HMCN1: variants seen among roughly 807,000 people sequenced by gnomAD.
HMCN1 encodes hemicentin-1.
HMCN1 carries 321 observed loss-of-function variants against 625.9 expected under a neutral mutation model. That is an observed-to-expected ratio of 0.51 (90% CI 0.47 to 0.56). The LOEUF (loss-of-function observed/expected upper bound fraction) is 0.56, where lower values mean the gene tolerates loss of function less well. Among genes scored for constraint, HMCN1 ranks in the 20% least tolerant of loss-of-function variants. The probability of loss-of-function intolerance (pLI) is 0.00; values close to 1 mark genes in which losing one functional copy is unlikely to be tolerated. For missense variants in HMCN1, 6,588 were observed against 6,887.3 expected (o/e 0.96, Z 1.54); for synonymous variants, 2,425 against 2,417.6 (o/e 1.00, Z -0.09).
intron 32 of HMCN1, 106 bp from the exon 33 acceptor site, chr1:186,016,857 A>G (rs977613731): frequency 1.1e-5 from 8 of 754,272 alleles, no homozygotes; most frequent in African/African-American, 1.0e-4. Context: ...TCAAACCACT[A>G]TGATACCTAT....
intron 1 of HMCN1, among the ~76,000 whole-genome samples, chr1:185,775,784 T>G (rs1271289760): frequency 1.3e-5 from 2 of 152,218 alleles, no homozygotes; most frequent in Non-Finnish European, 2.9e-5. Flanking sequence ...GGTTAGTGTT[T>G]CTGTGAGTCC....
intron 4 of HMCN1, among the ~76,000 whole-genome samples, chr1:185,888,006 G>A (rs941950130): frequency 7.8e-5 from 11 of 140,190 alleles, no homozygotes; most frequent in Admixed American, 3.5e-4. Context: ...CATTCTAACT[G>A]GTGTGAGATG....
chr1:186,125,122 A>G (rs1661581439), intron 81 of HMCN1, among the ~76,000 whole-genome samples: 1 of 152,114 alleles, frequency 6.6e-6, no homozygotes, highest in Non-Finnish European at 1.5e-5. Flanking sequence ...AAATACTGCA[A>G]TAAGTATTTT....
Position 186,048,888 on chromosome 1 carries a change from G to A in HMCN1, c.6577+49G>A, listed in dbSNP as rs1303909513. ...GCAAATAATGCAGCTGTGGTTTTTT[G>A]TGTCACTTAAAATGACATTCATCCA... On this transcript the variant is annotated intron_variant, in intron 42 of 106. Transcript: ENST00000271588. 5 of 1,128,316 alleles carry A rather than the reference G, an allele frequency of 4.4e-6. No individual in the cohort carries two copies. In the Admixed American group the frequency reaches 8.5e-5, roughly 19 times the overall value. 69.9% of individuals were successfully genotyped at this position (1,128,316 alleles called of 1,614,324 possible).
At chr1:186,168,179 A>G (rs1165027779) in intron 100 of HMCN1, among the ~76,000 whole-genome samples, 1 of 150,998 alleles carries the variant, frequency 6.6e-6, no homozygotes, top group Non-Finnish European at 1.5e-5. Context: ...TATTATTCAT[A>G]CTAGATAGTT....
intron 1 of HMCN1, among the ~76,000 whole-genome samples, chr1:185,770,925 C>T (rs1656200119): frequency 6.6e-6 from 1 of 152,124 alleles, no homozygotes; most frequent in African/African-American, 2.4e-5. Flanking sequence ...CCAGTGCTCG[C>T]ATTAGCTTTT....
At chr1:185,760,893 G>A (rs1655456018) in intron 1 of HMCN1, among the ~76,000 whole-genome samples, 2 of 152,232 alleles carry the variant, frequency 1.3e-5, no homozygotes. Flanking sequence ...TCCCAGGAAG[G>A]TGAAGTTTTA....
intron 11 of HMCN1, among the ~76,000 whole-genome samples, chr1:185,960,029 T>A (rs1005421710): frequency 1.3e-5 from 2 of 152,188 alleles, no homozygotes; most frequent in Non-Finnish European, 2.9e-5. Context: ...GTCTAATTCA[T>A]TTTGACCATT....
chr1:186,165,111 G>T lies in HMCN1; in HGVS notation c.15257G>T (p.Gly5086Val). ...GFKIHASISKGDRSNQCPSGF... is the reference protein window; with the variant it reads ...GFKIHASISKVDRSNQCPSGF... Reference sequence around the variant, plus strand: ...AACTTTGCTTTCCTCTCTGTGGTAGGAGATCGCAGTAATCAGTGCCCCTCC... The same window carrying T: ...AACTTTGCTTTCCTCTCTGTGGTAGTAGATCGCAGTAATCAGTGCCCCTCC... Residue 5086 changes from glycine to valine, a missense_variant and splice_region_variant, in exon 98 of 107, where the codon GGA (glycine) becomes GTA (valine). Gly to Val is a moderately radical substitution (Grantham distance 109). Coordinates refer to ENST00000271588, the MANE Select transcript of HMCN1 (RefSeq NM_031935.3). 6.2e-7 allele frequency: 1 copy of T among 1,613,984 alleles called. No individual in the cohort carries two copies. Among genetic ancestry groups the T allele is most frequent in the Non-Finnish European group, 8.5e-7 (1 of 1,179,952 alleles).
intron 1 of HMCN1, among the ~76,000 whole-genome samples, chr1:185,802,405 A>AT (rs11392564): frequency 0.091 from 13,833 of 152,192 alleles, 2,022 homozygotes; most frequent in African/African-American, 0.31. Flanking sequence ...TAGAATCACC[A>AT]TGCGTAGTTT....
At chr1:185,987,232 A>T (rs1481538230) in intron 19 of HMCN1, among the ~76,000 whole-genome samples, 200 bp from the exon 20 acceptor site, 3 of 151,736 alleles carry the variant, frequency 2.0e-5, no homozygotes, top group Non-Finnish European at 4.4e-5. Flanking sequence ...TTTTTATTTC[A>T]TTTTTCAGAT....
chr1:186,143,276 T>C (rs1650086450), intron 89 of HMCN1, among the ~76,000 whole-genome samples: 1 of 152,226 alleles, frequency 6.6e-6, no homozygotes. Context: ...ATATTTACAC[T>C]CAGCCTTTGA....
intron 32 of HMCN1, among the ~76,000 whole-genome samples, 165 bp downstream of exon 32, chr1:186,016,404 T>G (rs572877860): frequency 9.9e-5 from 15 of 152,096 alleles, no homozygotes; most frequent in South Asian, 2.1e-4. Context: ...GTCACCAGAG[T>G]CTCAGGTTCT....
At chr1:186,175,753 T>TCA (rs2102647223) in intron 103 of HMCN1, among the ~76,000 whole-genome samples, 1 of 151,804 alleles carries the variant, frequency 6.6e-6, no homozygotes, top group Admixed American at 6.6e-5. Context: ...GCACTGTGCT[T>TCA]CACGCCTGTA....
chr1:185,830,279 T>C (rs1482543872), intron 1 of HMCN1, among the ~76,000 whole-genome samples: 1 of 152,196 alleles, frequency 6.6e-6, no homozygotes, highest in Non-Finnish European at 1.5e-5. Flanking sequence ...ATTTTGGCTT[T>C]AGTTGCAATT....
intron 22 of HMCN1, among the ~76,000 whole-genome samples, chr1:185,992,318 A>G (rs889127088): frequency 6.6e-6 from 1 of 152,158 alleles, no homozygotes; most frequent in Admixed American, 6.5e-5. Context: ...CACTTTTTGT[A>G]TCTTAACATG....
chr1:186,037,845 G>T, intron 36 of HMCN1, 89 bp from the exon 37 acceptor site: 1 of 804,672 alleles, frequency 1.2e-6, no homozygotes, highest in Non-Finnish European at 2.2e-6. Context: ...AAGAAGAGAG[G>T]AAGAAAAATT....
At chr1:186,158,265 T>C (rs1434320894) in intron 97 of HMCN1, among the ~76,000 whole-genome samples, 1 of 151,230 alleles carries the variant, frequency 6.6e-6, no homozygotes, top group African/African-American at 2.4e-5. Context: ...GTTCATGTCC[T>C]TCGCCCACTT....
At position 185,965,888 on chromosome 1, in the gene HMCN1, C is replaced by T. The variant is rs919944336; in HGVS notation, c.2185C>T (p.Pro729Ser). The T allele has an allele frequency of 8.8e-6, 14 of 1,599,324 alleles. No homozygotes were observed. Among genetic ancestry groups the T allele is most frequent in the Non-Finnish European group, 1.2e-5 (14 of 1,166,798 alleles). The change falls in exon 14 of 107, where the codon CCT (proline) becomes TCT (serine). Residue 729 changes from proline to serine, a missense_variant. Transcript: ENST00000271588. The part of the protein sequence containing the change: ...TVMECKTSGI[P>S]PPQVKWFKGD... ...TATGGAATGCAAAACCTCTGGTATT[C>T]CTCCACCTCAAGTTAAATGGTTCAA...
Sources: gnomAD v4.1 joint callset for allele counts (sites outside exome capture counted in the v4.1 genomes callset) on GRCh38, gnomAD v4.1.1 for gene constraint, MANE v1.5 for transcripts, NCBI Gene and HGNC (gene_info 2026-07-23, HGNC 2026-07-21) for gene names.